Variants in PRDM10 observed in about 807,000 individuals in gnomAD.
PRDM10 encodes the protein PR domain zinc finger protein 10.
PRDM10 carries 65 observed loss-of-function variants against 133.1 expected under a neutral mutation model. The ratio of observed to expected loss-of-function variants is 0.49; its 90% CI spans 0.40 to 0.60. The LOEUF (loss-of-function observed/expected upper bound fraction) is 0.60. Ranked by LOEUF, PRDM10 falls within the 20% of genes least tolerant of loss-of-function variation. The pLI is 0.00. For missense variants in PRDM10, 1,137 were observed against 1,507.1 expected, an observed-to-expected ratio of 0.75 and a Z score of 4.07; for synonymous variants, 582 against 580.4, an observed-to-expected ratio of 1.00 and a Z score of -0.04.
At chr11:129,996,521 G>C (rs2115045) in intron 1 of PRDM10, among the ~76,000 whole-genome samples, 1 of 152,122 alleles carries the variant, frequency 6.6e-6, no homozygotes, top group East Asian at 1.9e-4. Flanking sequence ...ACAGCAGAGG[G>C]GAACCGTTTT....
At chr11:129,928,990 C>T (rs1255984428) in intron 11 of PRDM10, among the ~76,000 whole-genome samples, 1 of 152,226 alleles carries the variant, frequency 6.6e-6, no homozygotes, top group Non-Finnish European at 1.5e-5. Flanking sequence ...TTACTTCAAC[C>T]TTTCACTCTT....
chr11:129,958,160 A>G (rs189153473), intron 2 of PRDM10, among the ~76,000 whole-genome samples: 2 of 152,298 alleles, frequency 1.3e-5, no homozygotes, highest in East Asian at 3.9e-4. Flanking sequence ...GGGGAGTAAT[A>G]AGGGCGTGGT....
chr11:129,918,046 G>A lies in PRDM10; in HGVS notation c.2214+493C>T, dbSNP rs180778791. Among the ~76,000 whole-genome samples the A allele has an allele frequency of 4.2e-3, 633 of 152,226 alleles. 2 individuals carry two copies. Among genetic ancestry groups the A allele is most frequent in the Non-Finnish European group, 6.6e-3 (446 of 68,008 alleles). On this transcript the variant is annotated intron_variant, in intron 14 of 20. Transcript: ENST00000360871. This position sits in a 1 kb window ranked among gnomAD's most constrained non-coding sequence, Gnocchi z 5.3. ...CTCAGGAGGCTGAAGCAGGAGAATC[G>A]CTTGAACCTGGGAGGGGGAGGTTGC... is the stretch of plus-strand genomic sequence containing the variant.
intron 7 of PRDM10, among the ~76,000 whole-genome samples, chr11:129,940,544 T>G (rs1322479305): frequency 1.3e-5 from 2 of 152,208 alleles, no homozygotes; most frequent in African/African-American, 2.4e-5. Flanking sequence ...TTTTAAAAAT[T>G]ATTAATGTTG....
At chr11:129,908,640 G>A (rs572100897) in intron 19 of PRDM10, among the ~76,000 whole-genome samples, 9 of 152,200 alleles carry the variant, frequency 5.9e-5, no homozygotes, top group African/African-American at 1.9e-4. Context: ...AGGATGGTTC[G>A]TTACACTCCT....
rs1951470733 is a variant in PRDM10, at chr11:129,947,865, C to A, written c.295-495G>T. On this transcript the variant is annotated intron_variant, in intron 4 of 20. Transcript: ENST00000360871. This position sits in a 1 kb window ranked among gnomAD's most constrained non-coding sequence, Gnocchi z 4.6. ...GGTATCATCAGTTTCCACATCTGAA[C>A]TAAACCTGGGGTGGGGGTCCCTCTT... 2 of 366,796 alleles carry A rather than the reference C, an allele frequency of 5.5e-6. No homozygotes were observed. Among genetic ancestry groups the A allele is most frequent in the Admixed American group, 7.4e-5 (2 of 26,996 alleles). 22.7% of individuals were successfully genotyped at this position (366,796 alleles called of 1,614,324 possible).
chr11:129,993,613 T>C (rs1008007205), intron 1 of PRDM10, among the ~76,000 whole-genome samples: 14 of 152,090 alleles, frequency 9.2e-5, no homozygotes, highest in Non-Finnish European at 2.1e-4. Flanking sequence ...GCCTCCCGAG[T>C]AGCTGGAACT....
chr11:129,991,817 C>CA (rs71057994), intron 1 of PRDM10, among the ~76,000 whole-genome samples: 1,809 of 94,224 alleles, frequency 0.019, 99 homozygotes, highest in East Asian at 0.17. Flanking sequence ...GACTCCATCT[C>CA]AAAAAAAAAA....
chr11:129,996,290 G>A (rs1318517196), intron 1 of PRDM10, among the ~76,000 whole-genome samples: 3 of 152,214 alleles, frequency 2.0e-5, no homozygotes, highest in African/African-American at 7.2e-5. Flanking sequence ...CAACAAGGGC[G>A]GTGTGGGTTC....
chr11:129,905,790 A>T (rs766798679), intron 19 of PRDM10, 49 bp from the exon 20 acceptor site: 5 of 1,513,892 alleles, frequency 3.3e-6, no homozygotes, highest in Non-Finnish European at 4.6e-6. Context: ...ATTTTAACAC[A>T]AGTCTTAGAA....
chr11:129,968,203 G>A (rs1488341234), intron 1 of PRDM10, among the ~76,000 whole-genome samples: 4 of 152,154 alleles, frequency 2.6e-5, no homozygotes, highest in Non-Finnish European at 5.9e-5. Context: ...AAGCAACAAA[G>A]GTTTCTGTAC....
Position 129,942,618 on chromosome 11 carries a change from A to T in PRDM10, c.774T>A (p.Asp258Glu), listed in dbSNP as rs1313390707. The T allele has an allele frequency of 1.2e-6, 2 of 1,613,094 alleles. No homozygotes were observed. The highest frequency in any genetic ancestry group is 2.2e-5 in the South Asian group (2 of 90,704). ...AATCCCTTTCTTTCCTGTCCCCTTT[A>T]TCAAGAGAAACCTGCACGAAAAAAA... Reference protein sequence around the residue: ...DCYIHLKVSLDKGDRKERDLH... With the variant: ...DCYIHLKVSLEKGDRKERDLH... Residue 258 changes from aspartate to glutamate, a missense_variant, in exon 7 of 21, where the codon GAT becomes GAA. By Grantham distance (45) the Asp-to-Glu change is conservative. Around this residue, in one of 6 missense-constraint regions of PRDM10, gnomAD observed 635 missense variants for 835.2 expected, o/e 0.76. Transcript: ENST00000360871.
intron 1 of PRDM10, among the ~76,000 whole-genome samples, chr11:129,969,639 CAAAA>C (rs140612028): frequency 9.7e-6 from 1 of 103,470 alleles, no homozygotes; most frequent in Admixed American, 9.6e-5. Context: ...ACTAGAAATA[CAAAA>C]AAAAAAAAAA....
chr11:129,966,483 C>T (rs1325655423), intron 1 of PRDM10, among the ~76,000 whole-genome samples: 1 of 152,196 alleles, frequency 6.6e-6, no homozygotes, highest in Non-Finnish European at 1.5e-5. Context: ...TCGAATGAGT[C>T]ATGTGCACTG....
At chr11:129,950,707 G>T (rs992100251) in intron 4 of PRDM10, among the ~76,000 whole-genome samples, 3 of 152,162 alleles carry the variant, frequency 2.0e-5, no homozygotes, top group Non-Finnish European at 4.4e-5. Context: ...AGTGATAAAT[G>T]TTATCACATA....
In PRDM10 at chr11:129,947,030, T is replaced by C. The variant is rs867504352; in HGVS notation, c.520+115A>G. The C allele has an allele frequency of 6.5e-6, 9 of 1,394,686 alleles. 1 individual carries two copies. In the Middle Eastern group the frequency reaches 1.5e-3, roughly 238 times the overall value. The allele number at this position is 1,394,686 out of a possible 1,614,324, so 86.4% of individuals were successfully genotyped here. Reference sequence around the variant, plus strand: ...GAAGCAAGCAGAGAATGTAGCACAGTTGGCTGCACACGGAAGGACCTGACG... The same window carrying C: ...GAAGCAAGCAGAGAATGTAGCACAGCTGGCTGCACACGGAAGGACCTGACG... On this transcript the variant is annotated intron_variant, in intron 5 of 20. Coordinates refer to ENST00000360871, the MANE Select transcript of PRDM10 (RefSeq NM_199437.2). The surrounding 1 kb of genome is among the most constrained non-coding windows in gnomAD (Gnocchi z 4.6).
chr11:129,926,601 A>C lies in PRDM10; in HGVS notation c.1531-1372T>G, dbSNP rs544841846. On this transcript the variant is annotated intron_variant, in intron 11 of 20. Transcript: ENST00000360871. ...TTGATTTAGTGGAATTTCTAGACAT[A>C]ATTACTATGTAACAAGAGATTTCCT... Among the ~76,000 whole-genome samples, 90 of 152,348 alleles carry C rather than the reference A, an allele frequency of 5.9e-4. 1 individual carries two copies. Among genetic ancestry groups the C allele is most frequent in the African/African-American group, 2.1e-3 (89 of 41,580 alleles).
At chr11:129,948,008 T>C (rs1206890589) in intron 4 of PRDM10, 1 of 455,654 alleles carries the variant, frequency 2.2e-6, no homozygotes, top group Admixed American at 2.4e-5. Flanking sequence ...GTTCCATAGC[T>C]CACAGCTCTC....
chr11:129,925,361 C>A, intron 11 of PRDM10, 132 bp from the exon 12 acceptor site: 1 of 847,482 alleles, frequency 1.2e-6, no homozygotes, highest in Non-Finnish European at 1.8e-6. Context: ...CTAGGACACA[C>A]ACAGTTGAAA....
Sources: gnomAD v4.1 joint callset for allele counts (sites outside exome capture counted in the v4.1 genomes callset) on GRCh38, gnomAD v4.1.1 for gene constraint, gnomAD v4.1.1 regional missense constraint, Gnocchi (gnomAD v3.1) non-coding constraint, MANE v1.5 for transcripts, NCBI Gene and HGNC (gene_info 2026-07-23, HGNC 2026-07-21) for gene names.